KIAA0319L: variants seen among roughly 807,000 people sequenced by gnomAD.
KIAA0319L encodes dyslexia-associated protein KIAA0319-like protein.
KIAA0319L carries 55 observed loss-of-function variants against 120.1 expected under a neutral mutation model. The observed-to-expected ratio is 0.46, with a 90% CI of 0.37 to 0.57. KIAA0319L has a LOEUF of 0.57. Ranked by LOEUF, KIAA0319L falls within the 20% of genes least tolerant of loss-of-function variation. The pLI is 0.00. For synonymous variants in KIAA0319L, 398 were observed against 471.9 expected (o/e 0.84, Z 2.03); for missense variants, 1,049 against 1,255.3 (o/e 0.84, Z 2.48).
intron 2 of KIAA0319L, among the ~76,000 whole-genome samples, chr1:35,515,854 A>T (rs1645657571): frequency 6.6e-6 from 1 of 152,132 alleles, no homozygotes; most frequent in Admixed American, 6.6e-5. Flanking sequence ...ACACAATTAG[A>T]AATGATGAAG....
At chr1:35,501,806 AGGTGGAG>A (rs1412217777) in intron 3 of KIAA0319L, among the ~76,000 whole-genome samples, 1 of 146,032 alleles carries the variant, frequency 6.8e-6, no homozygotes, top group Non-Finnish European at 1.5e-5. Flanking sequence ...TGAACCCGGG[AGGTGGAG>A]GTTGCAGTGA....
At chr1:35,477,666 C>CAAAA (rs34588440) in intron 4 of KIAA0319L, among the ~76,000 whole-genome samples, 3 of 55,654 alleles carry the variant, frequency 5.4e-5, no homozygotes, top group South Asian at 5.8e-4. Flanking sequence ...GACTCTGTCT[C>CAAAA]AAAAAAAAAA....
At chr1:35,481,731 T>G (rs1459772756) in intron 3 of KIAA0319L, among the ~76,000 whole-genome samples, 1 of 151,372 alleles carries the variant, frequency 6.6e-6, no homozygotes, top group East Asian at 1.9e-4. Context: ...ATCAAGCTAA[T>G]GCATATCCAT....
At chr1:35,460,932 G>A (rs1251496870) in intron 8 of KIAA0319L, among the ~76,000 whole-genome samples, 2 of 152,074 alleles carry the variant, frequency 1.3e-5, no homozygotes, top group Non-Finnish European at 2.9e-5. Context: ...CTGCCCCTGC[G>A]ATTCTTCTAT....
chr1:35,445,096 C>G (rs1641521861), intron 16 of KIAA0319L, among the ~76,000 whole-genome samples: 1 of 152,172 alleles, frequency 6.6e-6, no homozygotes, highest in Non-Finnish European at 1.5e-5. Flanking sequence ...ATCCCCTCAT[C>G]ATGCAGTGTG....
At position 35,521,167 on chromosome 1, in the gene KIAA0319L, C is replaced by G. The variant is rs377724829; in HGVS notation, c.143-14032G>C. Reference sequence around the variant, plus strand: ...ACCAGCTTGGCCAACACAGTGAAACCCCGTCTCTACCAAAAATACAAAAAG... The same window carrying G: ...ACCAGCTTGGCCAACACAGTGAAACGCCGTCTCTACCAAAAATACAAAAAG... On this transcript the variant is annotated intron_variant, in intron 2 of 20. Coordinates refer to ENST00000325722, the MANE Select transcript of KIAA0319L (RefSeq NM_024874.5). 5.2e-4 allele frequency among the ~76,000 whole-genome samples: 79 copies of G among 151,592 alleles called. 1 individual carries two copies. The highest frequency in any genetic ancestry group is 1.9e-3 in the African/African-American group (77 of 41,258).
intron 6 of KIAA0319L, among the ~76,000 whole-genome samples, chr1:35,469,582 G>A (rs143122149): frequency 1.9e-4 from 29 of 151,588 alleles, no homozygotes; most frequent in Admixed American, 2.0e-4. Context: ...CAGTGGACAT[G>A]TTGCTTCTTC....
intron 13 of KIAA0319L, 62 bp from the exon 14 acceptor site, chr1:35,450,571 TGATGC>T: frequency 6.7e-7 from 1 of 1,490,428 alleles, no homozygotes; most frequent in Non-Finnish European, 9.3e-7. Context: ...TGTTTCTTCA[TGATGC>T]TTATGGGGAA....
At chr1:35,554,997 C>G (rs1273462142) in intron 1 of KIAA0319L, 1 of 152,908 alleles carries the variant, frequency 6.5e-6, no homozygotes, top group Non-Finnish European at 1.5e-5. Flanking sequence ...TGTCTTTAGG[C>G]AGGGCATGCA....
chr1:35,557,535 G>A (rs1648305446), upstream of KIAA0319L: 1 of 390,054 alleles, frequency 2.6e-6, no homozygotes, highest in Non-Finnish European at 5.1e-6. Context: ...GTGCTGGGCG[G>A]GTAAAACTAC....
At chr1:35,463,577 T>A (rs929101326) in intron 7 of KIAA0319L, among the ~76,000 whole-genome samples, 1 of 152,242 alleles carries the variant, frequency 6.6e-6, no homozygotes, top group African/African-American at 2.4e-5. Flanking sequence ...TACAAATCCA[T>A]GGCATTTTCT....
intron 2 of KIAA0319L, among the ~76,000 whole-genome samples, chr1:35,518,690 GC>G (rs1053111314): frequency 7.2e-5 from 11 of 152,122 alleles, no homozygotes; most frequent in Middle Eastern, 6.8e-3. Context: ...CTTCAGATGT[GC>G]CCCCGAACCT....
chr1:35,451,582 A>G (rs1642066081), intron 13 of KIAA0319L, 46 bp downstream of exon 13: 2 of 1,578,276 alleles, frequency 1.3e-6, no homozygotes, highest in East Asian at 4.5e-5. Flanking sequence ...TTCTTCAGCT[A>G]TCTGACCCTA....
intron 2 of KIAA0319L, 147 bp from the exon 3 acceptor site, chr1:35,507,282 A>G (rs1191138800): frequency 1.2e-5 from 8 of 671,680 alleles, no homozygotes; most frequent in Non-Finnish European, 1.9e-5. Context: ...GGAACAAAGG[A>G]AGTGAAAGAG....
chr1:35,464,923 T>C (rs1478757513), intron 7 of KIAA0319L, among the ~76,000 whole-genome samples: 1 of 152,204 alleles, frequency 6.6e-6, no homozygotes, highest in Non-Finnish European at 1.5e-5. Context: ...CCATGTGGTG[T>C]TGAGCCTGCA....
At chr1:35,519,186 G>A (rs1455118892) in intron 2 of KIAA0319L, among the ~76,000 whole-genome samples, 1 of 152,068 alleles carries the variant, frequency 6.6e-6, no homozygotes, top group Non-Finnish European at 1.5e-5. Flanking sequence ...CCCTGGGAAC[G>A]TGAAATTTTG....
intron 20 of KIAA0319L, chr1:35,439,490 T>C (rs762347656): frequency 7.2e-5 from 11 of 152,202 alleles, no homozygotes; most frequent in Non-Finnish European, 1.3e-4. Flanking sequence ...CACAGATGAA[T>C]GAGACAGCCC....
chr1:35,493,843 TCAAA>T (rs147277273), intron 3 of KIAA0319L, among the ~76,000 whole-genome samples: 21 of 151,818 alleles, frequency 1.4e-4, no homozygotes, highest in East Asian at 7.8e-4. Context: ...AGACCCTATC[TCAAA>T]CAAACAAACA....
At chr1:35,501,611 T>C (rs1645007833) in intron 3 of KIAA0319L, among the ~76,000 whole-genome samples, 1 of 152,196 alleles carries the variant, frequency 6.6e-6, no homozygotes, top group Non-Finnish European at 1.5e-5. Context: ...GCGTGGTGGC[T>C]CACGCCTGTA....
Sources: gnomAD v4.1 joint callset for allele counts (sites outside exome capture counted in the v4.1 genomes callset) on GRCh38, gnomAD v4.1.1 for gene constraint, MANE v1.5 for transcripts, NCBI Gene and HGNC (gene_info 2026-07-23, HGNC 2026-07-21) for gene names.